Variants in ABHD1 observed in about 807,000 individuals in gnomAD.
ABHD1 encodes protein ABHD1.
In ABHD1, 47 loss-of-function variants were observed where a neutral mutation model predicts 41.4. That is an observed-to-expected ratio of 1.13 (90% CI 0.90 to 1.45). The LOEUF is 1.45. ABHD1 is among the 40% of genes most tolerant of loss of function. The probability of loss-of-function intolerance (pLI) is 0.00; values close to 1 mark genes in which losing one functional copy is unlikely to be tolerated. For synonymous variants in ABHD1, 205 were observed against 203.7 expected, an observed-to-expected ratio of 1.01 and a Z score of -0.05; for missense variants, 550 against 503.4, an observed-to-expected ratio of 1.09 and a Z score of -0.89.
At chr2:27,126,318 C>G (rs953562702) in intron 1 of ABHD1, 4 of 152,222 alleles carry the variant, frequency 2.6e-5, no homozygotes, top group African/African-American at 4.8e-5. Flanking sequence ...TATAAAATAT[C>G]TCATAAGTTT....
chr2:27,127,936 G>A (rs1004827103), intron 1 of ABHD1, among the ~76,000 whole-genome samples: 1 of 152,062 alleles, frequency 6.6e-6, no homozygotes, highest in Non-Finnish European at 1.5e-5. Flanking sequence ...CCAGAACCCC[G>A]ACTTTTTCTG....
chr2:27,123,938 C>T lies in ABHD1; in HGVS notation c.-11C>T. The stretch of plus-strand genomic sequence containing the variant: ...GCCAGGAGCCTGAGGGTCGGAAGCC[C>T]CCAACACAAGATGCTGAGCTCCTTC... On this transcript the variant is annotated 5_prime_UTR_variant, in exon 1 of 9. Transcript: ENST00000316470. 1 of 1,612,842 alleles carries T rather than the reference C, an allele frequency of 6.2e-7. No homozygotes were observed. The highest frequency in any genetic ancestry group is 8.5e-7 in the Non-Finnish European group (1 of 1,178,808).
intron 6 of ABHD1, 61 bp from the exon 7 acceptor site, chr2:27,130,044 A>T (rs1558475988): frequency 1.2e-6 from 2 of 1,611,802 alleles, no homozygotes; most frequent in East Asian, 4.5e-5. Context: ...ATAGTAAGAC[A>T]GGGCCTGGGG....
rs1306134575 is a variant in ABHD1 at position 27,129,375 on chromosome 2, T to C, written c.504+14T>C. 1 of 1,613,992 alleles carries C rather than the reference T, an allele frequency of 6.2e-7. No homozygotes were observed. Among genetic ancestry groups the C allele is most frequent in the Non-Finnish European group, 8.5e-7 (1 of 1,180,018 alleles). On this transcript the variant is annotated intron_variant, in intron 4 of 8. Coordinates refer to ENST00000316470, the MANE Select transcript of ABHD1 (RefSeq NM_032604.4). ...GAGGAACTGCGGGTGAGTAGCTGCC[T>C]TCCTCATAGCAGCCCTTCACCCACT...
chr2:27,124,489 GCTGGCTGAGGTCAGAA>G (rs1671875430), intron 1 of ABHD1: 1 of 356,284 alleles, frequency 2.8e-6, no homozygotes, highest in Non-Finnish European at 5.5e-6. Context: ...TCCCTTAAGG[GCTGGCTGAGGTCAGAA>G]CTGGCCTAGC....
At position 27,130,720 on chromosome 2, in the gene ABHD1, A is replaced by G; in HGVS notation, c.1194A>G (p.Leu398=). Reference sequence around the variant, plus strand: ...GGCTGCCTGACCTCAGGGCTCTCTTACCTTCTGAGGACAGAAACAGCTGAC... The same window carrying G: ...GGCTGCCTGACCTCAGGGCTCTCTTGCCTTCTGAGGACAGAAACAGCTGAC... ...PEGLPDLRAL[L]PSEDRNS The change falls in exon 9 of 9, where the codon TTA becomes TTG. Residue 398 remains leucine (L), a synonymous_variant. Transcript: ENST00000316470. 1.2e-6 allele frequency: 2 copies of G among 1,614,100 alleles called. No homozygotes were observed. Among genetic ancestry groups the G allele is most frequent in the Non-Finnish European group, 1.7e-6 (2 of 1,180,024 alleles).
At chr2:27,127,553 C>A (rs1336414697) in intron 1 of ABHD1, among the ~76,000 whole-genome samples, 38 of 96,190 alleles carry the variant, frequency 4.0e-4, no homozygotes, top group African/African-American at 1.1e-3. Flanking sequence ...GACTCTGTCT[C>A]AAAAAAAAAA....
chr2:27,127,423 G>A (rs1366780000), intron 1 of ABHD1, among the ~76,000 whole-genome samples: 2 of 146,618 alleles, frequency 1.4e-5, no homozygotes, highest in East Asian at 2.1e-4. Flanking sequence ...GCGTGGTGGC[G>A]GGCGCCTGTA....
chr2:27,128,462 C>T lies in ABHD1; in HGVS notation c.136C>T (p.Pro46Ser). ...VLQRPRLVAG[P>S]QFLAFLEPHC... ...ACAGAGGCCTCGGCTGGTGGCTGGG[C>T]CGCAGTTTCTGGCCTTCCTGGAGCC... The change falls in exon 2 of 9, where the codon CCG (proline) becomes TCG (serine). Residue 46 changes from proline (P) to serine (S), a missense_variant. Physicochemically the swap from Pro to Ser is moderately conservative, Grantham distance 74. Coordinates refer to ENST00000316470, the MANE Select transcript of ABHD1 (RefSeq NM_032604.4). 1 of 1,614,090 alleles carries T rather than the reference C, an allele frequency of 6.2e-7. No homozygotes were observed. The highest frequency in any genetic ancestry group is 8.5e-7 in the Non-Finnish European group (1 of 1,180,030).
rs143469823 is a variant in ABHD1, at chr2:27,129,820, G to T, written c.684G>T (p.Leu228=). The T allele has an allele frequency of 6.2e-6, 10 of 1,614,102 alleles. No homozygotes were observed. The highest frequency in any genetic ancestry group is 7.6e-6 in the Non-Finnish European group (9 of 1,180,050). Residue 228 remains leucine (L), a synonymous_variant, in exon 6 of 9, where the codon CTG becomes CTT. Transcript: ENST00000316470. ...CAGGGCTGGTGGCAGCACTGACTCT[G>T]TCTGCATGCTGGGATTCCTTTGAGA... ...QAAGLVAALT[L]SACWDSFETT...
In ABHD1 at chr2:27,129,502, G is replaced by C. The variant is rs374403531; in HGVS notation, c.505-12G>C. ...GTCTCCCTCCCTACCCAATGATCTG[G>C]TTTGCCCTCAGACCCACAGGGCTTT... On this transcript the variant is annotated splice_polypyrimidine_tract_variant and intron_variant, in intron 4 of 8. Coordinates refer to ENST00000316470, the MANE Select transcript of ABHD1 (RefSeq NM_032604.4). 1 of 1,613,892 alleles carries C rather than the reference G, an allele frequency of 6.2e-7. No homozygotes were observed. Among genetic ancestry groups the C allele is most frequent in the Non-Finnish European group, 8.5e-7 (1 of 1,179,818 alleles).
chr2:27,128,768 T>C (rs927465613), intron 2 of ABHD1, among the ~76,000 whole-genome samples, 167 bp downstream of exon 2: 4 of 152,300 alleles, frequency 2.6e-5, no homozygotes, highest in African/African-American at 9.6e-5. Flanking sequence ...GGCCACCAGG[T>C]CATCTTTTAT....
rs772252731 is a variant in ABHD1 at position 27,130,167 on chromosome 2, C to A, written c.840+14C>A. 6.2e-7 allele frequency: 1 copy of A among 1,614,120 alleles called. No homozygotes were observed. Among genetic ancestry groups the A allele is most frequent in the Non-Finnish European group, 8.5e-7 (1 of 1,180,022 alleles). ...TTTGTACTACAGGTATAATATTCAG[C>A]CATGCCCCTGGTTCCCCCAAATGAG... On this transcript the variant is annotated intron_variant, in intron 7 of 8. Coordinates refer to ENST00000316470, the MANE Select transcript of ABHD1 (RefSeq NM_032604.4).
At chr2:27,128,404 A>G (rs1672064914) in intron 1 of ABHD1, 37 bp from the exon 2 acceptor site, 1 of 1,612,568 alleles carries the variant, frequency 6.2e-7, no homozygotes, top group Non-Finnish European at 8.5e-7. Context: ...TTGGTGCAAA[A>G]GTCAGGGAAG....
Position 27,123,909 on chromosome 2 carries a change from G to A in ABHD1, c.-40G>A, listed in dbSNP as rs1231788118. 15 of 1,585,468 alleles carry A rather than the reference G, an allele frequency of 9.5e-6. No homozygotes were observed. The highest frequency in any genetic ancestry group is 1.3e-5 in the Non-Finnish European group (15 of 1,156,000). ...CGCGAGTTACAGCCGGCCAACTGGG[G>A]CCAGCCAGGAGCCTGAGGGTCGGAA... is the stretch of plus-strand genomic sequence containing the variant. On this transcript the variant is annotated 5_prime_UTR_variant, in exon 1 of 9. Transcript: ENST00000316470.
At position 27,130,267 on chromosome 2, in the gene ABHD1, A is replaced by G; in HGVS notation, c.857A>G (p.Gln286Arg). Residue 286 changes from glutamine to arginine, a missense_variant, in exon 8 of 9, where the codon CAG becomes CGG. Transcript: ENST00000316470. ...DFVLQARTIR[Q>R]FDERYTSVAF... Reference sequence around the variant, plus strand: ...GACCTGCAGGCCCGTACAATCCGCCAGTTTGATGAGCGCTACACATCTGTG... The same window carrying G: ...GACCTGCAGGCCCGTACAATCCGCCGGTTTGATGAGCGCTACACATCTGTG... 1 of 1,614,158 alleles carries G rather than the reference A, an allele frequency of 6.2e-7. No individual in the cohort carries two copies. Among genetic ancestry groups the G allele is most frequent in the Non-Finnish European group, 8.5e-7 (1 of 1,180,020 alleles).
In ABHD1 at chr2:27,123,969, C is replaced by T. The variant is rs372003324; in HGVS notation, c.21C>T (p.Ser7=). MLSSFL[S]PQNGTWADTF... ...ACAAGATGCTGAGCTCCTTCCTGAG[C>T]CCCCAGAATGGCACCTGGGCAGACA... The change falls in exon 1 of 9, where the codon AGC becomes AGT. Residue 7 remains serine, a synonymous_variant. Transcript: ENST00000316470. 15 of 1,614,220 alleles carry T rather than the reference C, an allele frequency of 9.3e-6. No homozygotes were observed. Among genetic ancestry groups the T allele is most frequent in the Non-Finnish European group, 1.2e-5 (14 of 1,180,008 alleles).
In ABHD1 at chr2:27,128,302, T is replaced by C. The variant is rs761261388; in HGVS notation, c.115-139T>C. On this transcript the variant is annotated intron_variant, in intron 1 of 8. Transcript: ENST00000316470. ...ACTTGGCCATTCAACTGAGCTGTGCTGAGTATCTCACATGCAGACAAAGCA... is the reference window on the plus strand; with the variant it reads ...ACTTGGCCATTCAACTGAGCTGTGCCGAGTATCTCACATGCAGACAAAGCA... The C allele has an allele frequency of 3.3e-5, 34 of 1,017,086 alleles. No individual in the cohort carries two copies. In the Middle Eastern group the frequency reaches 1.2e-3, roughly 35 times the overall value. 63.0% of individuals were successfully genotyped at this position (1,017,086 alleles called of 1,614,324 possible).
At chr2:27,125,416 C>G (rs1671919928) in intron 1 of ABHD1, 1 of 152,164 alleles carries the variant, frequency 6.6e-6, no homozygotes, top group South Asian at 2.1e-4. Flanking sequence ...TTGGCCAGCA[C>G]TGTAATGGAT....
Sources: gnomAD v4.1 joint callset for allele counts (sites outside exome capture counted in the v4.1 genomes callset) on GRCh38, gnomAD v4.1.1 for gene constraint, MANE v1.5 for transcripts, NCBI Gene and HGNC (gene_info 2026-07-23, HGNC 2026-07-21) for gene names.